The following BNIP2 variants were observed in gnomAD, a reference collection of about 807,000 sequenced individuals.
BNIP2 encodes the protein BCL2 interacting protein 2.
BNIP2 carries 36 observed loss-of-function variants against 43.4 expected under a neutral mutation model. The ratio of observed to expected loss-of-function variants is 0.83; its 90% CI spans 0.64 to 1.10. The LOEUF (loss-of-function observed/expected upper bound fraction) is 1.10. Among genes scored for constraint, BNIP2 ranks in the 50% least tolerant of loss-of-function variants. The probability of loss-of-function intolerance (pLI) is 0.00; values close to 1 mark genes in which losing one functional copy is unlikely to be tolerated. For synonymous variants in BNIP2, 146 were observed against 121.0 expected, an observed-to-expected ratio of 1.21 and a Z score of -1.35; for missense variants, 417 against 374.1, an observed-to-expected ratio of 1.11 and a Z score of -0.95.
chr15:59,675,536 G>C (rs1297191752), intron 5 of BNIP2, among the ~76,000 whole-genome samples: 1 of 152,098 alleles, frequency 6.6e-6, no homozygotes, highest in Non-Finnish European at 1.5e-5. Context: ...CTTGAACCGA[G>C]GAGGCAGAGG....
intron 9 of BNIP2, among the ~76,000 whole-genome samples, chr15:59,666,663 G>A (rs1314482357): frequency 6.6e-6 from 1 of 151,988 alleles, no homozygotes; most frequent in Non-Finnish European, 1.5e-5. Flanking sequence ...GTGAAACTCT[G>A]TCTCAAAACA....
At chr15:59,688,209 A>G (rs145001396) in intron 1 of BNIP2, among the ~76,000 whole-genome samples, 2 of 152,338 alleles carry the variant, frequency 1.3e-5, no homozygotes, top group African/African-American at 4.8e-5. Context: ...ATGATCAAGA[A>G]ACTAGTCTGC....
intron 5 of BNIP2, chr15:59,677,124 A>G: frequency 6.2e-7 from 1 of 1,603,246 alleles, no homozygotes; most frequent in Non-Finnish European, 8.5e-7. Flanking sequence ...GGATATTGTC[A>G]TCAATGAGGC....
At chr15:59,686,989 C>T (rs1894060645) in intron 1 of BNIP2, among the ~76,000 whole-genome samples, 2 of 152,138 alleles carry the variant, frequency 1.3e-5, no homozygotes, top group African/African-American at 4.8e-5. Context: ...TGCATTCCAG[C>T]CTGGGTGACA....
intron 9 of BNIP2, among the ~76,000 whole-genome samples, chr15:59,666,223 G>A (rs548513025): frequency 2.0e-5 from 3 of 152,122 alleles, no homozygotes; most frequent in African/African-American, 4.8e-5. Context: ...TTCCCCACAA[G>A]CCCCTCAAGA....
At chr15:59,680,970 T>G (rs1331363192) in intron 2 of BNIP2, among the ~76,000 whole-genome samples, 1 of 152,202 alleles carries the variant, frequency 6.6e-6, no homozygotes, top group Non-Finnish European at 1.5e-5. Context: ...CACATAAAAG[T>G]AGATATAAAT....
chr15:59,680,882 G>C (rs1871502), intron 2 of BNIP2, among the ~76,000 whole-genome samples: 152,338 of 152,344 alleles, frequency 1, 76,166 homozygotes, highest in Middle Eastern at 1. Flanking sequence ...TAGGCGTGAC[G>C]TGCTATGCCT....
At chr15:59,677,227 A>C (rs865818411) in intron 5 of BNIP2, 5 of 1,595,954 alleles carry the variant, frequency 3.1e-6, no homozygotes, top group Middle Eastern at 2.0e-4. Context: ...CCCGTCTTCC[A>C]GAGTGCCAAG....
At chr15:59,678,809 A>C (rs776407205) in intron 4 of BNIP2, 1 of 1,303,282 alleles carries the variant, frequency 7.7e-7, no homozygotes, top group African/African-American at 1.5e-5. Flanking sequence ...AAAGCTGTTA[A>C]CGGAAAATAT....
At chr15:59,665,113 A>C (rs891543864) in intron 9 of BNIP2, among the ~76,000 whole-genome samples, 2 of 151,822 alleles carry the variant, frequency 1.3e-5, no homozygotes, top group Non-Finnish European at 2.9e-5. Flanking sequence ...AAAATACAAA[A>C]ATTAGCCAGG....
chr15:59,680,627 T>C (rs1311035691), intron 2 of BNIP2, among the ~76,000 whole-genome samples: 1 of 152,182 alleles, frequency 6.6e-6, no homozygotes, highest in African/African-American at 2.4e-5. Context: ...CCTTGAACTT[T>C]TGGGCTCAAA....
chr15:59,688,916 A>C (rs1894202317), intron 1 of BNIP2: 1 of 1,462,726 alleles, frequency 6.8e-7, no homozygotes, highest in African/African-American at 1.4e-5. Flanking sequence ...CAAACTGCCA[A>C]ATACAAACAG....
intron 5 of BNIP2, chr15:59,677,705 A>C (rs1277939460): frequency 8.6e-7 from 1 of 1,156,812 alleles, no homozygotes; most frequent in African/African-American, 1.6e-5. Context: ...ATTTTCCATT[A>C]GTGCCCCTTG....
At chr15:59,669,197 T>G in intron 8 of BNIP2, 79 bp downstream of exon 8, 1 of 1,122,940 alleles carries the variant, frequency 8.9e-7, no homozygotes. Flanking sequence ...ATCCCATAAG[T>G]ATGTATAGTT....
At chr15:59,669,231 T>C (rs760549528) in intron 8 of BNIP2, 45 bp downstream of exon 8, 15 of 1,338,024 alleles carry the variant, frequency 1.1e-5, no homozygotes, top group Middle Eastern at 2.4e-4. Flanking sequence ...TAAAAATAAA[T>C]AAATAAAAAA....
At chr15:59,678,971 G>T in intron 4 of BNIP2, 1 of 695,808 alleles carries the variant, frequency 1.4e-6, no homozygotes. Flanking sequence ...CAAAAATATA[G>T]CATATCACAC....
intron 5 of BNIP2, among the ~76,000 whole-genome samples, chr15:59,677,624 C>G (rs1175084876): frequency 6.6e-6 from 1 of 152,092 alleles, no homozygotes; most frequent in Non-Finnish European, 1.5e-5. Context: ...TAAGCATGTT[C>G]AGGTTTACTT....
At chr15:59,688,776 C>G in intron 1 of BNIP2, 1 of 1,525,570 alleles carries the variant, frequency 6.6e-7, no homozygotes, top group Non-Finnish European at 8.8e-7. Context: ...GGACGCTGGT[C>G]ATAAATACTG....
intron 5 of BNIP2, chr15:59,677,061 T>C (rs1238003465): frequency 2.5e-6 from 4 of 1,611,394 alleles, no homozygotes; most frequent in East Asian, 2.2e-5. Flanking sequence ...GATGACTTCA[T>C]CTTATGCTTC....
Sources: allele counts gnomAD v4.1 joint callset (sites outside exome capture counted in the v4.1 genomes callset), GRCh38; gene constraint gnomAD v4.1.1; transcripts MANE v1.5; gene names NCBI Gene and HGNC (gene_info 2026-07-23, HGNC 2026-07-21).